The following RYR1 variants were observed in gnomAD, a reference collection of about 807,000 sequenced individuals.
The protein encoded by RYR1 is ryanodine receptor 1.
In RYR1, 342 loss-of-function variants were observed where a neutral mutation model predicts 583.5. The ratio of observed to expected loss-of-function variants is 0.59; its 90% CI spans 0.54 to 0.64. The LOEUF is 0.64. Among genes scored for constraint, RYR1 ranks in the 30% least tolerant of loss-of-function variants. The pLI is 0.00. For synonymous variants in RYR1, 2,791 were observed against 2,822.5 expected (o/e 0.99, Z 0.35); for missense variants, 6,032 against 6,917.2 (o/e 0.87, Z 4.54).
intron 93 of RYR1, among the ~76,000 whole-genome samples, chr19:38,569,228 C>A (rs187382232): frequency 6.6e-6 from 1 of 152,186 alleles, no homozygotes; most frequent in South Asian, 2.1e-4. Flanking sequence ...GCCAGAATGG[C>A]CTAGATCTGA....
At chr19:38,482,324 GTGCAA>G (rs1186398850) in intron 31 of RYR1, among the ~76,000 whole-genome samples, 1 of 152,130 alleles carries the variant, frequency 6.6e-6, no homozygotes, top group Non-Finnish European at 1.5e-5. Context: ...GGGTCCCAGG[GTGCAA>G]TTAGATCAGG....
At chr19:38,552,435 G>A (rs147847647) in intron 89 of RYR1, among the ~76,000 whole-genome samples, 152 of 151,918 alleles carry the variant, frequency 1.0e-3, no homozygotes, top group African/African-American at 3.1e-3. Context: ...TGTATTTTTA[G>A]TAGAGACGGG....
At position 38,483,469 on chromosome 19, in the gene RYR1, C is replaced by T. The variant is rs748152641; in HGVS notation, c.4887C>T (p.Cys1629=). 3.1e-5 allele frequency: 48 copies of T among 1,564,398 alleles called. 1 individual carries two copies. In the South Asian group the frequency reaches 5.6e-4, roughly 18 times the overall value. The change falls in exon 33 of 106, where the codon TGC becomes TGT. Residue 1629 remains cysteine, a synonymous_variant. Transcript: ENST00000359596. This position sits in a 1 kb window ranked among gnomAD's most constrained non-coding sequence, Gnocchi z 6.3. Reference sequence around the variant, plus strand: ...AGCGGCTGGGCTGGGCCGTGCAGTGCCAGGAGCCGCTGACCATGATGGCGC... The same window carrying T: ...AGCGGCTGGGCTGGGCCGTGCAGTGTCAGGAGCCGCTGACCATGATGGCGC... ...AGERLGWAVQ[C]QEPLTMMALH...
intron 31 of RYR1, among the ~76,000 whole-genome samples, chr19:38,478,854 G>T (rs962900287): frequency 1.3e-5 from 2 of 152,118 alleles, no homozygotes; most frequent in Non-Finnish European, 2.9e-5. Flanking sequence ...TGCAACCTTC[G>T]CCTCCTGGGT....
At position 38,573,408 on chromosome 19, in the gene RYR1, A is replaced by G. The variant is rs1474192483; in HGVS notation, c.14129+101A>G. On this transcript the variant is annotated intron_variant, in intron 96 of 105. Transcript: ENST00000359596. ...AAAAAACTAGGGTTTCGGTCCGGGCACGGTGGCTCACACCTGTAATCCCGG... is the reference window on the plus strand; with the variant it reads ...AAAAAACTAGGGTTTCGGTCCGGGCGCGGTGGCTCACACCTGTAATCCCGG... 7.7e-6 allele frequency: 11 copies of G among 1,434,138 alleles called. No individual in the cohort carries two copies. In the East Asian group the frequency reaches 2.8e-4, roughly 37 times the overall value. The allele number at this position is 1,434,138 out of a possible 1,614,324, so 88.8% of individuals were successfully genotyped here.
At chr19:38,498,017 G>A (rs577995977) in intron 42 of RYR1, among the ~76,000 whole-genome samples, 55 of 152,228 alleles carry the variant, frequency 3.6e-4, no homozygotes, top group African/African-American at 1.3e-3. Flanking sequence ...AGTGACATTT[G>A]TGTAAAGCTC....
rs79783610 is a variant in RYR1, at chr19:38,567,344, T to C, written c.13514+357T>C. 2.4e-3 allele frequency among the ~76,000 whole-genome samples: 367 copies of C among 152,008 alleles called. 7 individuals are homozygous for C. The East Asian group carries it at 0.066, about 27-fold the overall frequency. ...CTGTGTCGAAAAAGAAAAAAAAATA[T>C]GGAGAGATAGAAAAATGAAAACTCC... On this transcript the variant is annotated intron_variant, in intron 92 of 105. Transcript: ENST00000359596.
At chr19:38,580,234 A>T in intron 100 of RYR1, 106 bp downstream of exon 100, 1 of 1,592,542 alleles carries the variant, frequency 6.3e-7, no homozygotes, top group South Asian at 1.1e-5. Context: ...GGGCAAGGCC[A>T]GGTGCGCTGA....
intron 58 of RYR1, 42 bp downstream of exon 58, chr19:38,507,869 G>A: frequency 7.8e-7 from 1 of 1,276,248 alleles, no homozygotes; most frequent in Non-Finnish European, 1.1e-6. Flanking sequence ...CCCACCTGCA[G>A]ACACCAGTTC....
At chr19:38,538,054 C>G (rs112783810) in intron 84 of RYR1, 94 bp downstream of exon 84, 25,558 of 1,160,722 alleles carry the variant, frequency 0.022, 340 homozygotes, top group Non-Finnish European at 0.027. Flanking sequence ...CCTCCTCCCC[C>G]GGTCAATGAT....
At position 38,586,086 on chromosome 19, in the gene RYR1, C is replaced by T. The variant is rs1199304403; in HGVS notation, c.14869-5C>T. 1 of 1,614,142 alleles carries T rather than the reference C, an allele frequency of 6.2e-7. No individual in the cohort carries two copies. Among genetic ancestry groups the T allele is most frequent in the Admixed American group, 1.7e-5 (1 of 60,008 alleles). On this transcript the variant is annotated splice_polypyrimidine_tract_variant and splice_region_variant and intron_variant, in intron 103 of 105. Transcript: ENST00000359596. ...CTCCACTCTGATGTCTCTTGCCACT[C>T]ACAGACCAAGTGCTTCATCTGTGGA...
At position 38,517,465 on chromosome 19, in the gene RYR1, A is replaced by G; in HGVS notation, c.9792A>G (p.Thr3264=). The part of the protein sequence containing the change: ...GGLAESGARY[T]EMPHVIEITL... ...TGGCCGAGTCAGGTGCCCGCTACAC[A>G]GAGATGCCGCATGTCATCGAGATCA... The change falls in exon 66 of 106, where the codon ACA becomes ACG. Residue 3264 remains threonine, a synonymous_variant. Coordinates refer to ENST00000359596, the MANE Select transcript of RYR1 (RefSeq NM_000540.3). 2 of 1,614,028 alleles carry G rather than the reference A, an allele frequency of 1.2e-6. No homozygotes were observed. Among genetic ancestry groups the G allele is most frequent in the South Asian group, 1.1e-5 (1 of 91,074 alleles).
intron 82 of RYR1, 103 bp from the exon 83 acceptor site, chr19:38,536,647 G>A (rs1468335445): frequency 9.7e-6 from 13 of 1,341,298 alleles, no homozygotes; most frequent in Admixed American, 3.7e-5. Flanking sequence ...GTGTCTTTCT[G>A]TGTCTCTGTC....
chr19:38,505,990 AG>A, intron 54 of RYR1, 44 bp downstream of exon 54: 1 of 1,576,920 alleles, frequency 6.3e-7, no homozygotes, highest in Non-Finnish European at 8.7e-7. Context: ...CGATGGGGGG[AG>A]GGTCTAGAAC....
intron 1 of RYR1, among the ~76,000 whole-genome samples, chr19:38,434,278 C>T (rs962414626): frequency 2.6e-5 from 4 of 152,008 alleles, no homozygotes; most frequent in Admixed American, 1.3e-4. Context: ...CAGACTCTGA[C>T]CTATTTAAAT....
chr19:38,586,076 T>C lies in RYR1; in HGVS notation c.14869-15T>C. 1.2e-6 allele frequency: 2 copies of C among 1,614,104 alleles called. No individual in the cohort carries two copies. The highest frequency in any genetic ancestry group is 1.7e-6 in the Non-Finnish European group (2 of 1,179,988). ...TCAAGTGGGCCTCCACTCTGATGTCTCTTGCCACTCACAGACCAAGTGCTT... is the reference window on the plus strand; with the variant it reads ...TCAAGTGGGCCTCCACTCTGATGTCCCTTGCCACTCACAGACCAAGTGCTT... On this transcript the variant is annotated splice_polypyrimidine_tract_variant and intron_variant, in intron 103 of 105. Coordinates refer to ENST00000359596, the MANE Select transcript of RYR1 (RefSeq NM_000540.3).
At chr19:38,532,783 A>C in intron 78 of RYR1, 47 bp downstream of exon 78, 2 of 1,575,468 alleles carry the variant, frequency 1.3e-6, no homozygotes, top group East Asian at 2.2e-5. Flanking sequence ...GGGGACCCTG[A>C]CTGCAGTCAT....
intron 13 of RYR1, among the ~76,000 whole-genome samples, chr19:38,454,724 G>A (rs983186417): frequency 6.6e-6 from 1 of 150,982 alleles, no homozygotes; most frequent in Admixed American, 6.6e-5. Flanking sequence ...GATTGTATAT[G>A]TTTTATGTAC....
At chr19:38,532,802 C>A in intron 78 of RYR1, 66 bp downstream of exon 78, 1 of 1,502,316 alleles carries the variant, frequency 6.7e-7, no homozygotes, top group South Asian at 1.1e-5. Context: ...ATCTCCCATT[C>A]ATTCAGCATG....
Sources: allele counts gnomAD v4.1 joint callset (sites outside exome capture counted in the v4.1 genomes callset), GRCh38; gene constraint gnomAD v4.1.1; non-coding constraint Gnocchi (gnomAD v3.1); transcripts MANE v1.5; gene names NCBI Gene and HGNC (gene_info 2026-07-23, HGNC 2026-07-21).